The following COL5A2 variants were observed in gnomAD, a reference collection of about 807,000 sequenced individuals.
COL5A2 encodes collagen alpha-2(V) chain.
A neutral mutation model predicts 208.2 loss-of-function variants in COL5A2; 23 were observed. The ratio of observed to expected loss-of-function variants is 0.11; its 90% confidence interval spans 0.08 to 0.16. COL5A2 has a LOEUF of 0.16. Ranked by LOEUF, COL5A2 falls within the 10% of genes least tolerant of loss-of-function variation. The probability of loss-of-function intolerance (pLI) is 1.00; values close to 1 mark genes in which losing one functional copy is unlikely to be tolerated. For missense variants in COL5A2, 1,590 were observed against 1,956.4 expected (o/e 0.81, Z 3.53); for synonymous variants, 625 against 628.5 (o/e 0.99, Z 0.08).
intron 1 of COL5A2, among the ~76,000 whole-genome samples, chr2:189,215,198 A>G (rs1689264458): frequency 6.6e-6 from 1 of 152,150 alleles, no homozygotes; most frequent in Non-Finnish European, 1.5e-5. Context: ...AGGGTGATCT[A>G]ATCATCCCTG....
intron 50 of COL5A2, among the ~76,000 whole-genome samples, chr2:189,040,718 T>C (rs1364063914): frequency 2.0e-5 from 3 of 152,186 alleles, no homozygotes; most frequent in African/African-American, 7.2e-5. Flanking sequence ...TTTATACTAA[T>C]TTTAAGAGAA....
At chr2:189,303,105 T>C in the COL5A2 span, among the ~76,000 whole-genome samples, 2 of 152,162 alleles carry the variant, frequency 1.3e-5, no homozygotes. Flanking sequence ...CCCCTCAAAC[T>C]GCAGAAGTTA....
chr2:189,064,861 G>C, intron 24 of COL5A2, 143 bp downstream of exon 24: 1 of 906,658 alleles, frequency 1.1e-6, no homozygotes, highest in Non-Finnish European at 1.8e-6. Flanking sequence ...ACACAAGAGA[G>C]GATTGGGGTT....
the COL5A2 span, among the ~76,000 whole-genome samples, chr2:189,366,021 C>A: frequency 1.3e-5 from 2 of 152,132 alleles, no homozygotes; most frequent in Non-Finnish European, 2.9e-5. Context: ...CCTACACTTT[C>A]CTTCTCCTCA....
intron 3 of COL5A2, among the ~76,000 whole-genome samples, chr2:189,100,560 CT>C (rs2105691217): frequency 6.6e-6 from 1 of 152,030 alleles, no homozygotes; most frequent in East Asian, 1.9e-4. Flanking sequence ...AATTTTCACA[CT>C]TTTATCATAT....
the COL5A2 span, among the ~76,000 whole-genome samples, chr2:189,275,425 A>G: frequency 6.8e-6 from 1 of 146,956 alleles, no homozygotes; most frequent in African/African-American, 2.5e-5. Context: ...AACATGGAGT[A>G]TCTTTTTAAT....
At chr2:189,358,235 G>GA in the COL5A2 span, among the ~76,000 whole-genome samples, 119 of 146,148 alleles carry the variant, frequency 8.1e-4, 1 homozygote, top group South Asian at 0.015. Flanking sequence ...CTACTGCTCA[G>GA]AAAAAAAAAA....
chr2:189,369,676 T>C, the COL5A2 span, among the ~76,000 whole-genome samples: 2 of 152,216 alleles, frequency 1.3e-5, no homozygotes, highest in African/African-American at 4.8e-5. Context: ...TCTACGATAA[T>C]GTGACTAAAT....
At chr2:189,058,682 T>C (rs1685954518) in intron 32 of COL5A2, among the ~76,000 whole-genome samples, 155 bp from the exon 33 acceptor site, 1 of 152,208 alleles carries the variant, frequency 6.6e-6, no homozygotes, top group Admixed American at 6.5e-5. Flanking sequence ...AAATTTGAAG[T>C]AAGGATATGC....
chr2:189,342,806 C>T, the COL5A2 span, among the ~76,000 whole-genome samples: 2 of 151,896 alleles, frequency 1.3e-5, no homozygotes, highest in African/African-American at 2.4e-5. Context: ...GCTAGTACCA[C>T]CAATGCAGAA....
At chr2:189,089,263 A>C (rs1686731351) in intron 7 of COL5A2, among the ~76,000 whole-genome samples, 2 of 152,200 alleles carry the variant, frequency 1.3e-5, no homozygotes, top group Admixed American at 6.5e-5. Context: ...CATTTATGTA[A>C]GTTGATAACA....
At chr2:189,438,390 G>C in the COL5A2 span, among the ~76,000 whole-genome samples, 1 of 152,160 alleles carries the variant, frequency 6.6e-6, no homozygotes, top group Non-Finnish European at 1.5e-5. Context: ...AAAAGCTTAT[G>C]TTCACACATA....
intron 25 of COL5A2, 39 bp from the exon 26 acceptor site, chr2:189,064,072 T>C (rs1686091878): frequency 1.9e-6 from 3 of 1,547,778 alleles, no homozygotes; most frequent in Admixed American, 1.7e-5. Flanking sequence ...GTTGCTGATA[T>C]GCAGTTGAAG....
At chr2:189,382,814 A>T in the COL5A2 span, among the ~76,000 whole-genome samples, 402 of 152,292 alleles carry the variant, frequency 2.6e-3, no homozygotes, top group African/African-American at 9.1e-3. Flanking sequence ...ATTCTCAAAG[A>T]CAGGGAGGAT....
At chr2:189,410,754 T>C in the COL5A2 span, among the ~76,000 whole-genome samples, 2 of 152,164 alleles carry the variant, frequency 1.3e-5, no homozygotes, top group Non-Finnish European at 2.9e-5. Flanking sequence ...ATTATGTGAA[T>C]ATATATGCAA....
chr2:189,381,915 C>A, the COL5A2 span, among the ~76,000 whole-genome samples: 5 of 151,720 alleles, frequency 3.3e-5, no homozygotes, highest in African/African-American at 7.3e-5. Flanking sequence ...AAAAATAGCC[C>A]TTTATTATTG....
the COL5A2 span, among the ~76,000 whole-genome samples, chr2:189,417,167 T>C: frequency 4.6e-5 from 7 of 152,160 alleles, no homozygotes; most frequent in Non-Finnish European, 7.4e-5. Flanking sequence ...GATGTTGCGA[T>C]TACTTAATTA....
At chr2:189,177,304 C>T (rs1010908349) in intron 1 of COL5A2, among the ~76,000 whole-genome samples, 1 of 152,158 alleles carries the variant, frequency 6.6e-6, no homozygotes, top group African/African-American at 2.4e-5. Context: ...CTTCCCCAAA[C>T]TCAAAATCAA....
chr2:189,205,872 T>C (rs1208628987), intron 1 of COL5A2, among the ~76,000 whole-genome samples: 1 of 152,208 alleles, frequency 6.6e-6, no homozygotes, highest in Non-Finnish European at 1.5e-5. Flanking sequence ...TTAGAAAAAT[T>C]GGTGGAAGTT....
Sources: allele counts gnomAD v4.1 joint callset (sites outside exome capture counted in the v4.1 genomes callset), GRCh38; gene constraint gnomAD v4.1.1; transcripts MANE v1.5; gene names NCBI Gene and HGNC (gene_info 2026-07-23, HGNC 2026-07-21).